RIC3: variants seen among roughly 807,000 people sequenced by gnomAD.
RIC3 encodes the protein protein RIC-3.
Under a neutral mutation model 27.3 loss-of-function variants are expected in RIC3, and 28 were observed. That is an observed-to-expected ratio of 1.02 (90% CI 0.76 to 1.41). The LOEUF (loss-of-function observed/expected upper bound fraction) is 1.41. Ranked by LOEUF, RIC3 falls within the 40% of genes most tolerant of loss-of-function variation. The probability of loss-of-function intolerance (pLI) is 0.00; values close to 1 mark genes in which losing one functional copy is unlikely to be tolerated. For synonymous variants in RIC3, 184 were observed against 160.4 expected, an observed-to-expected ratio of 1.15 and a Z score of -1.11; for missense variants, 501 against 444.7, an observed-to-expected ratio of 1.13 and a Z score of -1.14.
At chr11:8,140,437 C>T (rs944723170) in intron 1 of RIC3, among the ~76,000 whole-genome samples, 14 of 152,296 alleles carry the variant, frequency 9.2e-5, no homozygotes, top group African/African-American at 2.9e-4. Context: ...TTTTCAGACT[C>T]CCATACAGTT....
the RIC3 span, chr11:8,096,580 G>A: frequency 1.3e-6 from 1 of 774,862 alleles, no homozygotes. Flanking sequence ...AGTTTGTGGG[G>A]GTACAGGTGA....
rs182120648 is a variant in RIC3 at position 8,162,207 on chromosome 11, C to T, written c.124+6659G>A. On this transcript the variant is annotated intron_variant, in intron 1 of 5. Transcript: ENST00000309737. ...GAGCCCCAGTGTGACAACTGTGAGT[C>T]TCTGGTTCAAACCATACTGCAAGAC... Among the ~76,000 whole-genome samples the T allele has an allele frequency of 4.3e-4, 66 of 152,348 alleles. No homozygotes were observed. In the East Asian group the frequency reaches 6.7e-3, roughly 16 times the overall value.
intron 5 of RIC3, among the ~76,000 whole-genome samples, chr11:8,115,150 CA>C (rs1945705696): frequency 6.6e-6 from 1 of 151,928 alleles, no homozygotes; most frequent in African/African-American, 2.4e-5. Flanking sequence ...GTATTATAAT[CA>C]AACTATCAAA....
intron 1 of RIC3, among the ~76,000 whole-genome samples, chr11:8,151,585 C>CAAAAA (rs60087055): frequency 1.6e-5 from 1 of 61,700 alleles, no homozygotes; most frequent in East Asian, 5.2e-4. Context: ...AACTCCGTCT[C>CAAAAA]AAAAAAAAAA....
At chr11:8,126,049 A>G (rs116779554) in intron 5 of RIC3, among the ~76,000 whole-genome samples, 1 of 152,158 alleles carries the variant, frequency 6.6e-6, no homozygotes. Context: ...AAACAAAAAC[A>G]AAGTTAAATA....
intron 5 of RIC3, among the ~76,000 whole-genome samples, chr11:8,111,920 T>C (rs1345335961): frequency 6.6e-6 from 1 of 152,222 alleles, no homozygotes; most frequent in Non-Finnish European, 1.5e-5. Context: ...GTGCTGGAGC[T>C]CACACACCAG....
downstream of RIC3, chr11:8,101,351 C>T (rs1944293500): frequency 1.7e-6 from 2 of 1,203,890 alleles, no homozygotes; most frequent in African/African-American, 1.5e-5. Flanking sequence ...TGTTTTACTT[C>T]CCTTTGTGAT....
At chr11:8,114,876 G>C (rs953673161) in intron 5 of RIC3, among the ~76,000 whole-genome samples, 3 of 152,080 alleles carry the variant, frequency 2.0e-5, no homozygotes, top group South Asian at 2.1e-4. Context: ...AGAACTGATT[G>C]AGCAAAAGAA....
the RIC3 span, chr11:8,094,127 C>T: frequency 2.0e-5 from 32 of 1,613,994 alleles, no homozygotes; most frequent in African/African-American, 4.0e-5. Context: ...AGAACCAAGG[C>T]GGCAGCTACA....
the RIC3 span, chr11:8,097,328 T>C: frequency 6.2e-7 from 1 of 1,614,130 alleles, no homozygotes; most frequent in African/African-American, 1.3e-5. Context: ...CCCCAGGGTA[T>C]CACCATCAAA....
chr11:8,145,493 G>A (rs1949586245), intron 1 of RIC3, among the ~76,000 whole-genome samples: 1 of 152,146 alleles, frequency 6.6e-6, no homozygotes, highest in South Asian at 2.1e-4. Flanking sequence ...CAAATTCCTT[G>A]GAGGAGGACT....
At chr11:8,118,900 A>G (rs1368852342) in intron 5 of RIC3, among the ~76,000 whole-genome samples, 1 of 151,846 alleles carries the variant, frequency 6.6e-6, no homozygotes, top group Non-Finnish European at 1.5e-5. Flanking sequence ...TAGCAGATTG[A>G]AATGGACATG....
intron 5 of RIC3, among the ~76,000 whole-genome samples, chr11:8,115,533 T>G (rs1047546270): frequency 9.9e-5 from 15 of 151,962 alleles, no homozygotes; most frequent in African/African-American, 3.6e-4. Context: ...ATAGGCTAGG[T>G]GCGGTGGCTA....
intron 5 of RIC3, among the ~76,000 whole-genome samples, chr11:8,125,683 T>A (rs1330385373): frequency 2.6e-5 from 4 of 152,186 alleles, no homozygotes; most frequent in African/African-American, 7.2e-5. Flanking sequence ...ACACCGCTGG[T>A]GGGAAGGGAA....
At chr11:8,147,321 C>T (rs983154242) in intron 1 of RIC3, among the ~76,000 whole-genome samples, 1 of 152,134 alleles carries the variant, frequency 6.6e-6, no homozygotes, top group African/African-American at 2.4e-5. Flanking sequence ...GTGTCATGGG[C>T]GTATGTCCTG....
chr11:8,149,186 C>G (rs1590315854), intron 1 of RIC3, among the ~76,000 whole-genome samples: 1 of 150,878 alleles, frequency 6.6e-6, no homozygotes, highest in Non-Finnish European at 1.5e-5. Context: ...GAGCGAGACT[C>G]TTGTCTCAAA....
chr11:8,151,208 C>A (rs1007796308), intron 1 of RIC3, among the ~76,000 whole-genome samples: 5 of 152,214 alleles, frequency 3.3e-5, no homozygotes, highest in African/African-American at 1.2e-4. Context: ...AGACAACCCA[C>A]TGAGTGGGAG....
chr11:8,159,042 T>C (rs1408937756), intron 1 of RIC3, among the ~76,000 whole-genome samples: 1 of 151,144 alleles, frequency 6.6e-6, no homozygotes, highest in Non-Finnish European at 1.5e-5. Context: ...CAGAGCCTCC[T>C]TTCTAAGTAG....
intron 1 of RIC3, among the ~76,000 whole-genome samples, chr11:8,146,086 T>G (rs1033998378): frequency 6.6e-6 from 1 of 152,228 alleles, no homozygotes; most frequent in Non-Finnish European, 1.5e-5. Context: ...ACAGACTTTA[T>G]AGACCTATGT....
Sources: gnomAD v4.1 joint callset for allele counts (sites outside exome capture counted in the v4.1 genomes callset) on GRCh38, gnomAD v4.1.1 for gene constraint, MANE v1.5 for transcripts, NCBI Gene and HGNC (gene_info 2026-07-23, HGNC 2026-07-21) for gene names.